SUGCT: variants seen among roughly 807,000 people sequenced by gnomAD.
SUGCT encodes the protein succinyl-CoA:glutarate-CoA transferase.
A neutral mutation model predicts 55.0 loss-of-function variants in SUGCT; 41 were observed. That is an observed-to-expected ratio of 0.74 (90% CI 0.58 to 0.97). The LOEUF (loss-of-function observed/expected upper bound fraction) is 0.97, where lower values mean the gene tolerates loss of function less well. Among genes scored for constraint, SUGCT ranks in the 50% least tolerant of loss-of-function variants. The pLI, the probability that SUGCT is intolerant of heterozygous loss-of-function variation, is 0.00. For synonymous variants in SUGCT, 187 were observed against 200.4 expected (o/e 0.93, Z 0.56); for missense variants, 568 against 547.8 (o/e 1.04, Z -0.37).
At chr7:40,568,140 C>T (rs1340849377) in intron 12 of SUGCT, among the ~76,000 whole-genome samples, 2 of 152,098 alleles carry the variant, frequency 1.3e-5, no homozygotes, top group African/African-American at 4.8e-5. Flanking sequence ...TTTCTTTTAC[C>T]AGCCAGAAAG....
intron 9 of SUGCT, among the ~76,000 whole-genome samples, chr7:40,433,459 T>C (rs1788013026): frequency 6.6e-6 from 1 of 152,150 alleles, no homozygotes; most frequent in South Asian, 2.1e-4. Context: ...TTAGTCCATA[T>C]CTCTATTTCT....
At chr7:40,944,678 G>A in the SUGCT span, among the ~76,000 whole-genome samples, 2 of 152,176 alleles carry the variant, frequency 1.3e-5, no homozygotes, top group South Asian at 4.1e-4. Flanking sequence ...TAGCCTTTTA[G>A]TATAGTTTGA....
intron 13 of SUGCT, among the ~76,000 whole-genome samples, chr7:40,753,494 ATTG>A (rs1788115921): frequency 6.6e-6 from 1 of 152,172 alleles, no homozygotes; most frequent in African/African-American, 2.4e-5. Context: ...CCTTATTAGG[ATTG>A]TTATTAGCAT....
At chr7:40,623,890 T>C (rs1384057035) in intron 12 of SUGCT, among the ~76,000 whole-genome samples, 1 of 152,242 alleles carries the variant, frequency 6.6e-6, no homozygotes, top group East Asian at 1.9e-4. Flanking sequence ...TTCTTCTGCT[T>C]TCTGCCTCAA....
the SUGCT span, among the ~76,000 whole-genome samples, chr7:41,026,202 A>G: frequency 2.0e-5 from 3 of 152,164 alleles, no homozygotes; most frequent in Non-Finnish European, 4.4e-5. Context: ...TTCATTTTGC[A>G]CTGGGCCTCC....
the SUGCT span, among the ~76,000 whole-genome samples, chr7:40,955,068 G>A: frequency 1.3e-5 from 2 of 152,144 alleles, no homozygotes; most frequent in Admixed American, 6.5e-5. Context: ...AAGTCAGGTA[G>A]CATGATGCCT....
chr7:40,241,823 G>A (rs758532036), intron 7 of SUGCT, among the ~76,000 whole-genome samples: 17 of 151,512 alleles, frequency 1.1e-4, no homozygotes, highest in Non-Finnish European at 2.2e-4. Context: ...GGGAGGCTGA[G>A]GCAGGAGAAT....
intron 9 of SUGCT, among the ~76,000 whole-genome samples, chr7:40,399,068 T>A (rs1532722): frequency 0.69 from 104,784 of 151,984 alleles, 36,518 homozygotes; most frequent in East Asian, 0.99. Flanking sequence ...TAATAGATGA[T>A]TATACATTAT....
At chr7:40,288,933 A>C (rs1793532608) in intron 8 of SUGCT, among the ~76,000 whole-genome samples, 2 of 152,172 alleles carry the variant, frequency 1.3e-5, no homozygotes, top group South Asian at 4.1e-4. Flanking sequence ...GTCTTAGAAC[A>C]CAGAAGAATG....
chr7:40,801,065 C>A (rs548927003), intron 13 of SUGCT, among the ~76,000 whole-genome samples: 1 of 152,262 alleles, frequency 6.6e-6, no homozygotes, highest in African/African-American at 2.4e-5. Context: ...TTAATGTGAA[C>A]CAGATCAACT....
At chr7:40,168,790 A>T (rs911794362) in intron 1 of SUGCT, among the ~76,000 whole-genome samples, 1 of 152,168 alleles carries the variant, frequency 6.6e-6, no homozygotes, top group Non-Finnish European at 1.5e-5. Context: ...GAGATTCCCC[A>T]TTCTATTTCT....
chr7:40,385,495 C>T lies in SUGCT; in HGVS notation c.817-63792C>T, dbSNP rs117910996. Among the ~76,000 whole-genome samples the T allele has an allele frequency of 2.6e-4, 40 of 152,220 alleles. 1 individual carries two copies. The East Asian group carries it at 6.6e-3, about 25-fold the overall frequency. ...GTCTTCTAAAAAAGATATAATTGCT[C>T]GTAAGAGAATGGCATTTAGTGTCCT... On this transcript the variant is annotated intron_variant, in intron 9 of 13. Transcript: ENST00000335693.
At chr7:40,990,693 C>A in the SUGCT span, among the ~76,000 whole-genome samples, 1 of 152,202 alleles carries the variant, frequency 6.6e-6, no homozygotes, top group African/African-American at 2.4e-5. Context: ...AGTGTAGCTA[C>A]CTTCATCAAT....
intron 3 of SUGCT, among the ~76,000 whole-genome samples, chr7:40,183,975 A>G (rs938235365): frequency 6.6e-6 from 1 of 152,128 alleles, no homozygotes. Context: ...GGAGTTCAAG[A>G]CCAGCCTGGC....
chr7:40,898,785 A>C, the SUGCT span, among the ~76,000 whole-genome samples: 1 of 152,062 alleles, frequency 6.6e-6, no homozygotes, highest in African/African-American at 2.4e-5. Context: ...TCTGGACACA[A>C]AATGGGGTGG....
chr7:40,491,923 G>A (rs1415738869), intron 11 of SUGCT, among the ~76,000 whole-genome samples: 1 of 152,090 alleles, frequency 6.6e-6, no homozygotes, highest in African/African-American at 2.4e-5. Flanking sequence ...CTGGGAGGTC[G>A]AGGTTGCAGT....
At chr7:40,937,137 C>A in the SUGCT span, among the ~76,000 whole-genome samples, 1 of 152,102 alleles carries the variant, frequency 6.6e-6, no homozygotes, top group African/African-American at 2.4e-5. Context: ...TCAACTATTT[C>A]TTTGTTATTT....
chr7:40,407,652 T>A (rs549912516), intron 9 of SUGCT, among the ~76,000 whole-genome samples: 1 of 152,230 alleles, frequency 6.6e-6, no homozygotes, highest in South Asian at 2.1e-4. Flanking sequence ...CCTCGTTCTA[T>A]TTTGGCACTC....
chr7:40,378,543 G>T (rs1406150511), intron 9 of SUGCT, among the ~76,000 whole-genome samples: 3 of 152,148 alleles, frequency 2.0e-5, no homozygotes, highest in Admixed American at 2.0e-4. Context: ...CACTGTCCCA[G>T]CTCACTGCAA....
Sources: gnomAD v4.1 joint callset for allele counts (sites outside exome capture counted in the v4.1 genomes callset) on GRCh38, gnomAD v4.1.1 for gene constraint, MANE v1.5 for transcripts, NCBI Gene and HGNC (gene_info 2026-07-23, HGNC 2026-07-21) for gene names.